The following ATP13A5 variants were observed in gnomAD, a reference collection of about 807,000 sequenced individuals.
The protein encoded by ATP13A5 is ATPase 13A5, also known as probable cation-transporting ATPase 13A5.
A neutral mutation model predicts 150.2 loss-of-function variants in ATP13A5; 149 were observed. The ratio of observed to expected loss-of-function variants is 0.99; its 90% CI spans 0.87 to 1.14. The LOEUF (loss-of-function observed/expected upper bound fraction) is 1.14, where lower values mean the gene tolerates loss of function less well. ATP13A5 is among the 50% of genes most tolerant of loss of function. The probability of loss-of-function intolerance (pLI) is 0.00; values close to 1 mark genes in which losing one functional copy is unlikely to be tolerated. For missense variants in ATP13A5, 1,383 were observed against 1,449.3 expected (o/e 0.95, Z 0.74); for synonymous variants, 497 against 522.2 (o/e 0.95, Z 0.66).
Position 193,333,946 on chromosome 3 carries a change from A to T in ATP13A5, c.1115-39T>A. On this transcript the variant is annotated intron_variant, in intron 10 of 29. Coordinates refer to ENST00000342358, the MANE Select transcript of ATP13A5 (RefSeq NM_198505.4). ...ATCATAGATCAAGTAAGGCTGCTTGATGGACACTTGGTCTCCTAAAAATGG... is the reference window on the plus strand; with the variant it reads ...ATCATAGATCAAGTAAGGCTGCTTGTTGGACACTTGGTCTCCTAAAAATGG... 3.8e-6 allele frequency: 6 copies of T among 1,585,280 alleles called. 1 individual carries two copies. Among genetic ancestry groups the T allele is most frequent in the Non-Finnish European group, 5.2e-6 (6 of 1,163,378 alleles).
chr3:193,362,749 C>CCTT lies in ATP13A5; in HGVS notation c.385-115_385-113dup, dbSNP rs1345699805. 554 of 890,254 alleles carry CCTT rather than the reference C, an allele frequency of 6.2e-4. 5 individuals carry two copies. In the African/African-American group the frequency reaches 7.9e-3, roughly 13 times the overall value. The allele number at this position is 890,254 out of a possible 1,614,324, so 55.1% of individuals were successfully genotyped here. On this transcript the variant is annotated intron_variant, in intron 3 of 29. Transcript: ENST00000342358. Reference sequence around the variant, plus strand: ...TCCCCTTGTGGGTCTCACTTGCTTTCCTTCTTTCTTTCTTTCTTTCTTTCT... The same window carrying CCTT: ...TCCCCTTGTGGGTCTCACTTGCTTTCCTTCTTCTTTCTTTCTTTCTTTCTTTCT...
intron 19 of ATP13A5, chr3:193,313,468 A>T (rs374008010): frequency 6.6e-6 from 1 of 152,234 alleles, no homozygotes; most frequent in Non-Finnish European, 1.5e-5. Context: ...TGAAAAAGCT[A>T]TTCTGTCACA....
At chr3:193,284,807 C>T in intron 27 of ATP13A5, 107 bp downstream of exon 27, 2 of 930,582 alleles carry the variant, frequency 2.1e-6, no homozygotes, top group Non-Finnish European at 3.2e-6. Flanking sequence ...TAGAGTCATG[C>T]AATTGTTTCT....
chr3:193,335,918 T>C (rs1279853666), intron 9 of ATP13A5, among the ~76,000 whole-genome samples: 2 of 152,066 alleles, frequency 1.3e-5, no homozygotes, highest in Admixed American at 6.6e-5. Flanking sequence ...ATATTTAAGG[T>C]ACAAAGAAAT....
chr3:193,363,088 C>T lies in ATP13A5; in HGVS notation c.384+148G>A, dbSNP rs540654811. 46 of 1,009,098 alleles carry T rather than the reference C, an allele frequency of 4.6e-5. No individual in the cohort carries two copies. The East Asian group carries it at 4.6e-4, about 10-fold the overall frequency. 62.5% of individuals were successfully genotyped at this position (1,009,098 alleles called of 1,614,324 possible). A position where few individuals can be genotyped will look rare whatever the true frequency, so the allele number is the denominator to read the frequency against. ...AAAGTGCCGGGATTACAGACGTGAA[C>T]GACCATGCCCAGCCAGTCTCACTTT... On this transcript the variant is annotated intron_variant, in intron 3 of 29. Coordinates refer to ENST00000342358, the MANE Select transcript of ATP13A5 (RefSeq NM_198505.4).
intron 7 of ATP13A5, among the ~76,000 whole-genome samples, chr3:193,349,693 G>A (rs1288977165): frequency 6.6e-6 from 1 of 152,010 alleles, no homozygotes; most frequent in Non-Finnish European, 1.5e-5. Flanking sequence ...AAACATCAAT[G>A]AGACCCGGTT....
At chr3:193,362,810 T>TCTC (rs1560151110) in intron 3 of ATP13A5, among the ~76,000 whole-genome samples, 173 bp from the exon 4 acceptor site, 1 of 136,802 alleles carries the variant, frequency 7.3e-6, no homozygotes. Flanking sequence ...TCTTTCTTTC[T>TCTC]TTCAGACAGG....
At chr3:193,282,262 A>C (rs888928363) in intron 27 of ATP13A5, among the ~76,000 whole-genome samples, 3 of 152,224 alleles carry the variant, frequency 2.0e-5, no homozygotes, top group Non-Finnish European at 2.9e-5. Flanking sequence ...TTATAATTTT[A>C]AAAATTATTC....
At chr3:193,348,355 T>C (rs1229371009) in intron 7 of ATP13A5, among the ~76,000 whole-genome samples, 2 of 152,178 alleles carry the variant, frequency 1.3e-5, no homozygotes, top group Admixed American at 1.3e-4. Context: ...AGATGAGTAA[T>C]GAGGGTATTA....
intron 5 of ATP13A5, among the ~76,000 whole-genome samples, chr3:193,356,610 A>C (rs997641202): frequency 2.0e-5 from 3 of 152,110 alleles, no homozygotes; most frequent in African/African-American, 7.2e-5. Flanking sequence ...GCATATGAGA[A>C]AAATACATAA....
intron 7 of ATP13A5, among the ~76,000 whole-genome samples, chr3:193,347,353 A>G (rs1211486445): frequency 1.3e-5 from 2 of 151,212 alleles, no homozygotes; most frequent in Non-Finnish European, 2.9e-5. Flanking sequence ...AAACCAAATA[A>G]AAGGGGGTTG....
intron 27 of ATP13A5, among the ~76,000 whole-genome samples, chr3:193,282,208 AT>A (rs1717527858): frequency 6.6e-6 from 1 of 152,066 alleles, no homozygotes; most frequent in Non-Finnish European, 1.5e-5. Flanking sequence ...AATAATAATA[AT>A]TAAAGTACTA....
Position 193,285,051 on chromosome 3 carries a change from C to T in ATP13A5, c.3089G>A (p.Gly1030Glu), listed in dbSNP as rs372940991. 6.2e-7 allele frequency: 1 copy of T among 1,613,916 alleles called. No individual in the cohort carries two copies. Among genetic ancestry groups the T allele is most frequent in the African/African-American group, 1.3e-5 (1 of 74,916 alleles). The change falls in exon 27 of 30, where the codon GGA (glycine) becomes GAA (glutamate). Residue 1030 changes from glycine (G) to glutamate (E), a missense_variant. By Grantham distance (98) the Gly-to-Glu change is moderately conservative (BLOSUM62 -2). Around this residue, in one of 3 missense-constraint regions of ATP13A5, gnomAD observed 568 missense variants for 621.5 expected, o/e 0.91. Coordinates refer to ENST00000342358, the MANE Select transcript of ATP13A5 (RefSeq NM_198505.4). The stretch of plus-strand genomic sequence containing the variant: ...TGAACCAGGAATCAGAGTTGCATTT[C>T]CAGTCCAGTTTCTTTCCAAACTCAC... ...TNVSLERNWT[G>E]NATLIPGSIL...
chr3:193,366,172 A>G (rs1476467017), intron 1 of ATP13A5, among the ~76,000 whole-genome samples: 1 of 152,080 alleles, frequency 6.6e-6, no homozygotes, highest in Non-Finnish European at 1.5e-5. Context: ...CTGTGATACA[A>G]TGTTAAATGG....
Position 193,322,567 on chromosome 3 carries a change from T to G in ATP13A5, c.1682A>C (p.Glu561Ala). The change falls in exon 15 of 30, where the codon GAA (glutamate) becomes GCA (alanine). Residue 561 changes from glutamate (E) to alanine (A), a missense_variant. Glu to Ala is a moderately radical substitution (Grantham distance 107, BLOSUM62 -1). Transcript: ENST00000342358. Reference protein sequence around the residue: ...KMFEGTAWKMEDCIVDSCKFG... With the variant: ...KMFEGTAWKMADCIVDSCKFG... ...TTTGCAGGAGTCTACAATGCAATCT[T>G]CCATTTTCTGTTATAAAATGAAAAC... The G allele has an allele frequency of 6.2e-7, 1 of 1,608,136 alleles. No homozygotes were observed. Among genetic ancestry groups the G allele is most frequent in the Non-Finnish European group, 8.5e-7 (1 of 1,175,910 alleles).
chr3:193,278,136 C>G (rs1717311743), intron 28 of ATP13A5, among the ~76,000 whole-genome samples: 1 of 152,132 alleles, frequency 6.6e-6, no homozygotes, highest in Non-Finnish European at 1.5e-5. Context: ...TGGTCTTCTC[C>G]CCTAGCTTCT....
chr3:193,344,016 T>C lies in ATP13A5; in HGVS notation c.854A>G (p.Asp285Gly). 1 of 1,613,344 alleles carries C rather than the reference T, an allele frequency of 6.2e-7. No individual in the cohort carries two copies. The highest frequency in any genetic ancestry group is 1.7e-5 in the Admixed American group (1 of 59,916). Residue 285 changes from aspartate to glycine, a missense_variant, in exon 9 of 30, where the codon GAC becomes GGC. Asp to Gly is a moderately conservative substitution (Grantham distance 94). Transcript: ENST00000342358. ...ELESRLLVPG[D>G]ILILPGKFSL... ...AAATTTTCCTGGAAGAATAAGAATG[T>C]CTCCGGGAACCAAGAGACGGGATTC...
intron 9 of ATP13A5, among the ~76,000 whole-genome samples, chr3:193,338,176 A>G (rs1711967448): frequency 6.6e-6 from 1 of 152,196 alleles, no homozygotes; most frequent in Admixed American, 6.5e-5. Flanking sequence ...TGTCATCTGC[A>G]AAAAGGGACA....
intron 17 of ATP13A5, among the ~76,000 whole-genome samples, chr3:193,315,730 T>A (rs1050578329): frequency 8.5e-5 from 13 of 152,180 alleles, no homozygotes; most frequent in Non-Finnish European, 1.8e-4. Context: ...TTGATCTTTG[T>A]TCATTTTGCT....
Sources: allele counts gnomAD v4.1 joint callset (sites outside exome capture counted in the v4.1 genomes callset), GRCh38; gene constraint gnomAD v4.1.1; regional missense constraint gnomAD v4.1.1; transcripts MANE v1.5; gene names NCBI Gene and HGNC (gene_info 2026-07-23, HGNC 2026-07-21).